Variants in CADPS2 observed in about 807,000 individuals in gnomAD.
The protein encoded by CADPS2 is calcium dependent secretion activator 2, also known as calcium-dependent secretion activator 2.
A neutral mutation model predicts 172.5 loss-of-function variants in CADPS2; 93 were observed. The ratio of observed to expected loss-of-function variants is 0.54; its 90% confidence interval spans 0.46 to 0.64. The LOEUF is 0.64. Among genes scored for constraint, CADPS2 ranks in the 30% least tolerant of loss-of-function variants. The pLI is 0.00. For synonymous variants in CADPS2, 546 were observed against 555.2 expected (o/e 0.98, Z 0.23); for missense variants, 1,420 against 1,565.9 (o/e 0.91, Z 1.57).
chr7:122,560,970 T>C (rs1431636766), intron 7 of CADPS2, among the ~76,000 whole-genome samples: 1 of 152,200 alleles, frequency 6.6e-6, no homozygotes, highest in African/African-American at 2.4e-5. Flanking sequence ...ATGGATCAGA[T>C]GATTTGTCTA....
At chr7:122,858,051 G>A (rs1484780476) in intron 1 of CADPS2, among the ~76,000 whole-genome samples, 3 of 152,152 alleles carry the variant, frequency 2.0e-5, no homozygotes, top group African/African-American at 7.2e-5. Flanking sequence ...CTAGCAGGTT[G>A]CTGCTACTGG....
At chr7:122,492,143 GC>G (rs2058348102) in intron 9 of CADPS2, among the ~76,000 whole-genome samples, 1 of 151,946 alleles carries the variant, frequency 6.6e-6, no homozygotes, top group African/African-American at 2.4e-5. Flanking sequence ...TTGCACCCCA[GC>G]CTGGACGACA....
intron 7 of CADPS2, among the ~76,000 whole-genome samples, chr7:122,562,844 T>C (rs934528006): frequency 1.3e-5 from 2 of 152,182 alleles, no homozygotes; most frequent in Non-Finnish European, 2.9e-5. Context: ...TTTGTATTAA[T>C]GTAGTTAAAG....
intron 6 of CADPS2, among the ~76,000 whole-genome samples, chr7:122,589,427 A>G (rs2070368070): frequency 1.3e-5 from 2 of 151,984 alleles, no homozygotes; most frequent in African/African-American, 2.4e-5. Context: ...CTTCATTAAT[A>G]TAAGCAATTA....
intron 17 of CADPS2, 143 bp downstream of exon 17, chr7:122,438,198 T>G: frequency 9.8e-7 from 1 of 1,016,310 alleles, no homozygotes; most frequent in Non-Finnish European, 1.4e-6. Context: ...GCTCTTCAGT[T>G]CACCAGCTGA....
rs2063582396 is a variant in CADPS2 at position 122,546,029 on chromosome 7, C to T, written c.1475+8521G>A. On this transcript the variant is annotated intron_variant, in intron 8 of 29. Coordinates refer to ENST00000449022, the MANE Select transcript of CADPS2 (RefSeq NM_017954.11). The stretch of plus-strand genomic sequence containing the variant: ...TCATGAGAATAAGATGTGCTTTTCT[C>T]TTCTGAATTACTAATGTACTAACCT... Among the ~76,000 whole-genome samples, 3 of 152,042 alleles carry T rather than the reference C, an allele frequency of 2.0e-5. No homozygotes were observed. In the South Asian group the frequency reaches 6.2e-4, roughly 32 times the overall value.
intron 7 of CADPS2, among the ~76,000 whole-genome samples, chr7:122,577,924 C>A (rs897671657): frequency 2.0e-5 from 3 of 151,762 alleles, no homozygotes; most frequent in African/African-American, 7.3e-5. Context: ...TTAAATGCTA[C>A]CCGAATTTTT....
intron 6 of CADPS2, among the ~76,000 whole-genome samples, chr7:122,588,562 T>A (rs2070171924): frequency 6.6e-6 from 1 of 151,974 alleles, no homozygotes; most frequent in Admixed American, 6.6e-5. Context: ...AAGATTAAAA[T>A]GATATAACAG....
chr7:122,757,777 G>A (rs1019206588), intron 1 of CADPS2, among the ~76,000 whole-genome samples: 22 of 151,482 alleles, frequency 1.5e-4, no homozygotes, highest in Admixed American at 9.2e-4. Flanking sequence ...AAATACCAAG[G>A]TAGTCATTAT....
At chr7:122,572,862 G>C (rs555775936) in intron 7 of CADPS2, among the ~76,000 whole-genome samples, 1 of 152,228 alleles carries the variant, frequency 6.6e-6, no homozygotes, top group East Asian at 1.9e-4. Flanking sequence ...TATTCCCTTA[G>C]CACCTGGTGG....
chr7:122,539,071 A>G (rs2062633175), intron 8 of CADPS2, among the ~76,000 whole-genome samples: 1 of 152,142 alleles, frequency 6.6e-6, no homozygotes, highest in Admixed American at 6.6e-5. Flanking sequence ...AGGATACACA[A>G]CATCCATGGC....
chr7:122,885,910 C>T (rs1178198479), intron 1 of CADPS2, 89 bp downstream of exon 1: 6 of 1,444,508 alleles, frequency 4.2e-6, no homozygotes, highest in Admixed American at 3.9e-5. Context: ...TCCTGCGTTT[C>T]GCAGAAGGAC....
chr7:122,630,064 C>A (rs1409291924), intron 3 of CADPS2, among the ~76,000 whole-genome samples: 1 of 152,106 alleles, frequency 6.6e-6, no homozygotes, highest in East Asian at 1.9e-4. Flanking sequence ...CAATATTAGT[C>A]CCTTTATAAA....
intron 16 of CADPS2, chr7:122,440,180 A>G (rs982276020): frequency 6.6e-6 from 1 of 152,208 alleles, no homozygotes; most frequent in African/African-American, 2.4e-5. Context: ...ATCAGTGACT[A>G]TAACTGGAAT....
chr7:122,640,570 A>T (rs1169098335), intron 3 of CADPS2, among the ~76,000 whole-genome samples: 2 of 152,094 alleles, frequency 1.3e-5, no homozygotes, highest in African/African-American at 4.8e-5. Flanking sequence ...GACAAAATTT[A>T]GGTCTAGGGC....
chr7:122,514,049 A>C (rs2130853067), intron 8 of CADPS2, among the ~76,000 whole-genome samples: 1 of 152,306 alleles, frequency 6.6e-6, no homozygotes, highest in African/African-American at 2.4e-5. Context: ...TATTATTCTT[A>C]CTGAATATAC....
intron 1 of CADPS2, among the ~76,000 whole-genome samples, chr7:122,848,177 G>A (rs990793502): frequency 6.6e-6 from 1 of 152,150 alleles, no homozygotes; most frequent in Admixed American, 6.5e-5. Flanking sequence ...GAATGTCTCT[G>A]ATAAAAGCAA....
At chr7:122,719,213 G>A (rs576556840) in intron 2 of CADPS2, among the ~76,000 whole-genome samples, 37 of 152,074 alleles carry the variant, frequency 2.4e-4, no homozygotes, top group African/African-American at 8.7e-4. Context: ...GCTCTGCACA[G>A]AGGGGAAAGG....
intron 1 of CADPS2, among the ~76,000 whole-genome samples, chr7:122,831,791 T>C (rs1372594200): frequency 6.6e-6 from 1 of 152,162 alleles, no homozygotes; most frequent in Non-Finnish European, 1.5e-5. Context: ...CTACTGCAGC[T>C]CCACTCTCAA....
Sources: gnomAD v4.1 joint callset for allele counts (sites outside exome capture counted in the v4.1 genomes callset) on GRCh38, gnomAD v4.1.1 for gene constraint, MANE v1.5 for transcripts, NCBI Gene and HGNC (gene_info 2026-07-23, HGNC 2026-07-21) for gene names.